KAZN: variants seen among roughly 807,000 people sequenced by gnomAD.
KAZN encodes kazrin, periplakin interacting protein, also known as kazrin.
A neutral mutation model predicts 87.4 loss-of-function variants in KAZN; 40 were observed. The observed-to-expected ratio is 0.46, with a 90% CI of 0.36 to 0.60. The LOEUF (loss-of-function observed/expected upper bound fraction) is 0.60. Ranked by LOEUF, KAZN falls within the 20% of genes least tolerant of loss-of-function variation. The pLI, the probability that KAZN is intolerant of heterozygous loss-of-function variation, is 0.00. For missense variants in KAZN, 898 were observed against 1,073.9 expected (o/e 0.84, Z 2.29); for synonymous variants, 466 against 458.3 (o/e 1.02, Z -0.22).
intron 2 of KAZN, among the ~76,000 whole-genome samples, chr1:14,325,911 C>G (rs189510023): frequency 6.6e-6 from 1 of 152,088 alleles, no homozygotes; most frequent in Admixed American, 6.5e-5. Context: ...CCGATTTCTC[C>G]GAATCCCCCT....
chr1:14,921,367 C>T (rs868059402), intron 1 of KAZN, among the ~76,000 whole-genome samples: 7 of 152,192 alleles, frequency 4.6e-5, no homozygotes, highest in African/African-American at 1.4e-4. Flanking sequence ...GGCCAATGGG[C>T]TACATAAAGA....
chr1:14,412,357 C>A (rs758394105), intron 2 of KAZN, among the ~76,000 whole-genome samples: 32 of 152,110 alleles, frequency 2.1e-4, no homozygotes, highest in Non-Finnish European at 4.1e-4. Context: ...GGAGAAAAAA[C>A]CCCAAACTTT....
chr1:14,205,157 C>T (rs1012047594), intron 2 of KAZN, among the ~76,000 whole-genome samples: 3 of 152,160 alleles, frequency 2.0e-5, no homozygotes, highest in African/African-American at 2.4e-5. Context: ...ATCACTTACA[C>T]CTACATGTAA....
chr1:14,791,118 C>T (rs1473470867), intron 1 of KAZN, among the ~76,000 whole-genome samples: 1 of 152,230 alleles, frequency 6.6e-6, no homozygotes, highest in Non-Finnish European at 1.5e-5. Context: ...ACCCTGCCCT[C>T]GAAACAGCCT....
At chr1:14,913,664 C>T (rs1657484061) in intron 1 of KAZN, among the ~76,000 whole-genome samples, 1 of 152,224 alleles carries the variant, frequency 6.6e-6, no homozygotes, top group East Asian at 1.9e-4. Context: ...GGCCCGTTCC[C>T]AACCTTGCTG....
chr1:14,838,294 A>G (rs941423980), intron 1 of KAZN, among the ~76,000 whole-genome samples: 2 of 152,218 alleles, frequency 1.3e-5, no homozygotes, highest in African/African-American at 4.8e-5. Context: ...GCTGTATACT[A>G]TCACATTGAT....
chr1:14,348,007 T>A (rs1187465822), intron 2 of KAZN, among the ~76,000 whole-genome samples: 1 of 151,058 alleles, frequency 6.6e-6, no homozygotes, highest in Non-Finnish European at 1.5e-5. Context: ...CACCTCAGCC[T>A]CCTGAGAGCT....
intron 1 of KAZN, among the ~76,000 whole-genome samples, chr1:14,682,270 T>C (rs1640712241): frequency 6.6e-6 from 1 of 150,878 alleles, no homozygotes; most frequent in African/African-American, 2.4e-5. Context: ...CCTTCAAGGT[T>C]AAGACATGGG....
chr1:14,925,884 T>C (rs1442430168), intron 1 of KAZN, among the ~76,000 whole-genome samples: 2 of 152,150 alleles, frequency 1.3e-5, no homozygotes, highest in African/African-American at 4.8e-5. Context: ...CAAGACGGGT[T>C]GAGGTAAAAC....
intron 1 of KAZN, among the ~76,000 whole-genome samples, chr1:13,918,108 T>C (rs1340109518): frequency 6.6e-6 from 1 of 152,234 alleles, no homozygotes; most frequent in Non-Finnish European, 1.5e-5. Context: ...CTTTCAAGTC[T>C]TGCTATTTAA....
At chr1:14,644,506 C>T (rs554648849) in intron 1 of KAZN, among the ~76,000 whole-genome samples, 25 of 151,770 alleles carry the variant, frequency 1.6e-4, no homozygotes, top group Non-Finnish European at 2.4e-4. Context: ...GGACTACAGG[C>T]GCCTGCCACC....
intron 1 of KAZN, among the ~76,000 whole-genome samples, chr1:13,911,527 A>G (rs943477681): frequency 6.6e-6 from 1 of 152,210 alleles, no homozygotes; most frequent in African/African-American, 2.4e-5. Context: ...CAAGTATCCA[A>G]ACGATATCAG....
chr1:14,476,083 G>A (rs1037641397), intron 2 of KAZN, among the ~76,000 whole-genome samples: 1 of 152,178 alleles, frequency 6.6e-6, no homozygotes, highest in African/African-American at 2.4e-5. Context: ...GTGCAGATGG[G>A]TCATCTGAGG....
chr1:14,579,302 A>G (rs1343862790), intron 2 of KAZN, among the ~76,000 whole-genome samples: 1 of 152,206 alleles, frequency 6.6e-6, no homozygotes, highest in Non-Finnish European at 1.5e-5. Context: ...TCTGACACCC[A>G]TTAATGCCCC....
chr1:14,966,213 T>G (rs1228874606), intron 2 of KAZN, among the ~76,000 whole-genome samples: 1 of 152,104 alleles, frequency 6.6e-6, no homozygotes, highest in East Asian at 1.9e-4. Flanking sequence ...CTCTTGACCT[T>G]AAGCAATCTG....
At chr1:14,684,449 C>T (rs1640844530) in intron 1 of KAZN, among the ~76,000 whole-genome samples, 1 of 152,172 alleles carries the variant, frequency 6.6e-6, no homozygotes, top group African/African-American at 2.4e-5. Flanking sequence ...TTGGTGTGTT[C>T]ATTTCCTGTG....
At chr1:14,983,668 G>A (rs1048508952) in intron 2 of KAZN, among the ~76,000 whole-genome samples, 31 of 152,332 alleles carry the variant, frequency 2.0e-4, no homozygotes, top group East Asian at 3.9e-4. Flanking sequence ...GAGGCCGGGC[G>A]TGGTGGCTCA....
Position 14,243,602 on chromosome 1 carries a change from G to A in KAZN, c.249+63010G>A, listed in dbSNP as rs910753185. ...GAATTTGCATATGGCTAACAATACC[G>A]TACTGTGTATTTGTTAAGATGACCG... On this transcript the variant is annotated intron_variant, in intron 2 of 16. Transcript: ENST00000636203. Among the ~76,000 whole-genome samples the A allele has an allele frequency of 5.9e-5, 9 of 152,060 alleles. No individual in the cohort carries two copies. The East Asian group carries it at 7.7e-4, about 13-fold the overall frequency.
chr1:14,505,160 A>G (rs553710646), intron 2 of KAZN, among the ~76,000 whole-genome samples: 1 of 152,308 alleles, frequency 6.6e-6, no homozygotes, highest in African/African-American at 2.4e-5. Context: ...CCTATTTCCA[A>G]GAATAGCCAT....
Sources: gnomAD v4.1 joint callset for allele counts (sites outside exome capture counted in the v4.1 genomes callset) on GRCh38, gnomAD v4.1.1 for gene constraint, MANE v1.5 for transcripts, NCBI Gene and HGNC (gene_info 2026-07-23, HGNC 2026-07-21) for gene names.